Variants in FCER2 observed in about 807,000 individuals in gnomAD.
FCER2 encodes Fc epsilon receptor II.
A neutral mutation model predicts 49.7 loss-of-function variants in FCER2; 38 were observed. The ratio of observed to expected loss-of-function variants is 0.76; its 90% CI spans 0.59 to 1.00. The LOEUF (loss-of-function observed/expected upper bound fraction) is 1.00, where lower values mean the gene tolerates loss of function less well. FCER2 is among the 50% of genes least tolerant of loss of function. The probability of loss-of-function intolerance (pLI) is 0.00; values close to 1 mark genes in which losing one functional copy is unlikely to be tolerated. For missense variants in FCER2, 425 were observed against 419.5 expected (o/e 1.01, Z -0.11); for synonymous variants, 163 against 164.6 (o/e 0.99, Z 0.07).
Position 7,696,820 on chromosome 19 carries a change from C to T in FCER2, c.469+5G>A. 6.4e-7 allele frequency: 1 copy of T among 1,566,510 alleles called. No individual in the cohort carries two copies. Among genetic ancestry groups the T allele is most frequent in the Non-Finnish European group, 8.7e-7 (1 of 1,153,920 alleles). On this transcript the variant is annotated splice_donor_5th_base_variant and intron_variant, in intron 8 of 10. Transcript: ENST00000597921. The stretch of plus-strand genomic sequence containing the variant: ...GTCGTCCTGAGCAGAGACTCACACA[C>T]TCACCGCTGGACACCTGCAACTCCA...
chr19:7,689,678 T>TG (rs776545395), intron 10 of FCER2, among the ~76,000 whole-genome samples: 1 of 152,064 alleles, frequency 6.6e-6, no homozygotes, highest in South Asian at 2.1e-4. Context: ...TGGAGTGCAG[T>TG]GCGCGATCTC....
intron 1 of FCER2, among the ~76,000 whole-genome samples, chr19:7,701,230 C>T (rs891182120): frequency 6.6e-6 from 1 of 152,134 alleles, no homozygotes; most frequent in South Asian, 2.1e-4. Flanking sequence ...TCCCTTCTCT[C>T]GGAGCCTCAG....
At chr19:7,696,349 C>T (rs911304503) in intron 8 of FCER2, among the ~76,000 whole-genome samples, 5 of 152,086 alleles carry the variant, frequency 3.3e-5, no homozygotes, top group Non-Finnish European at 5.9e-5. Flanking sequence ...AATCTATCCG[C>T]CTCGACCTCC....
At position 7,697,294 on chromosome 19, in the gene FCER2, C is replaced by A. The variant is rs746343109; in HGVS notation, c.258G>T (p.Thr86=). Residue 86 remains threonine, a synonymous_variant, in exon 6 of 11, where the codon ACG becomes ACT. Transcript: ENST00000597921. ...GDQMAQKSQS[T]QISQELEELR... ...GTTCCTCCAGTTCCTGTGAAATCTG[C>A]GTGGCTGTTTGCAGGGGAGGGGGCT... 2 of 1,614,116 alleles carry A rather than the reference C, an allele frequency of 1.2e-6. No individual in the cohort carries two copies. The highest frequency in any genetic ancestry group is 1.7e-5 in the Admixed American group (1 of 60,012).
chr19:7,698,250 A>G, intron 4 of FCER2, 106 bp downstream of exon 4: 1 of 819,702 alleles, frequency 1.2e-6, no homozygotes, highest in South Asian at 2.0e-5. Flanking sequence ...ACTTAGTTTG[A>G]CCTTCAGTTC....
chr19:7,691,562 G>T (rs1467266555), intron 8 of FCER2, among the ~76,000 whole-genome samples: 1 of 148,916 alleles, frequency 6.7e-6, no homozygotes, highest in Admixed American at 6.7e-5. Flanking sequence ...CAGCACCTCA[G>T]CCACAAGCAC....
chr19:7,698,096 C>G (rs143590964), intron 4 of FCER2, among the ~76,000 whole-genome samples: 27 of 152,330 alleles, frequency 1.8e-4, no homozygotes, highest in Admixed American at 1.8e-3. Flanking sequence ...GCCAGCCACA[C>G]AGTTTTGACT....
At chr19:7,694,574 C>A (rs1011159545) in intron 8 of FCER2, among the ~76,000 whole-genome samples, 4 of 152,148 alleles carry the variant, frequency 2.6e-5, no homozygotes, top group African/African-American at 7.2e-5. Context: ...AGGAGGTGAC[C>A]TGTCAGAAGT....
At chr19:7,694,687 A>G (rs1485614774) in intron 8 of FCER2, among the ~76,000 whole-genome samples, 1 of 151,784 alleles carries the variant, frequency 6.6e-6, no homozygotes, top group Admixed American at 6.6e-5. Context: ...AGGGGATGGG[A>G]CTCCATCACA....
intron 4 of FCER2, 107 bp downstream of exon 4, chr19:7,698,249 G>T: frequency 1.2e-6 from 1 of 812,882 alleles, no homozygotes; most frequent in South Asian, 2.1e-5. Context: ...AACTTAGTTT[G>T]ACCTTCAGTT....
chr19:7,698,596 C>A, intron 3 of FCER2, 145 bp downstream of exon 3: 1 of 1,100,092 alleles, frequency 9.1e-7, no homozygotes, highest in Non-Finnish European at 1.3e-6. Context: ...AAAGGGCTGG[C>A]AGTGGCAAGA....
At position 7,690,232 on chromosome 19, in the gene FCER2, AGCCGGTGTG is replaced by A; in HGVS notation, c.646_654del (p.His216_Gly218del). On this transcript the variant is annotated inframe_deletion, in exon 10 of 11. Coordinates refer to ENST00000597921, the MANE Select transcript of FCER2 (RefSeq NM_001220500.2). ...TCCAAGTTCCGAAGGCCAATCCAGG[AGCCGGTGTG>A]GCTGGCATGCTTGGTCAGGAAGTCC... 6 of 1,614,038 alleles carry A rather than the reference AGCCGGTGTG, an allele frequency of 3.7e-6. No homozygotes were observed. Among genetic ancestry groups the A allele is most frequent in the Non-Finnish European group, 5.1e-6 (6 of 1,179,938 alleles).
chr19:7,700,092 T>C (rs2033121409), intron 1 of FCER2: 2 of 347,132 alleles, frequency 5.8e-6, no homozygotes, highest in South Asian at 5.5e-5. Context: ...CATGAGATCT[T>C]GACAAATGGC....
At chr19:7,700,715 A>G (rs547493042) in intron 1 of FCER2, among the ~76,000 whole-genome samples, 19 of 151,826 alleles carry the variant, frequency 1.3e-4, no homozygotes, top group African/African-American at 4.4e-4. Flanking sequence ...GGTTTTCACT[A>G]TGTTGGCCAG....
chr19:7,697,628 A>C, intron 4 of FCER2, 39 bp from the exon 5 acceptor site: 1 of 1,584,590 alleles, frequency 6.3e-7, no homozygotes, highest in Non-Finnish European at 8.7e-7. Context: ...CAGGAACCTC[A>C]AAGGCAGGTC....
chr19:7,693,850 T>A (rs1354834820), intron 8 of FCER2, among the ~76,000 whole-genome samples: 1 of 151,774 alleles, frequency 6.6e-6, no homozygotes, highest in African/African-American at 2.4e-5. Flanking sequence ...GGTTTCACCA[T>A]GTTGGTCAGG....
intron 8 of FCER2, among the ~76,000 whole-genome samples, chr19:7,691,857 C>A (rs2032880783): frequency 6.6e-6 from 1 of 152,178 alleles, no homozygotes; most frequent in Non-Finnish European, 1.5e-5. Flanking sequence ...ACTGCAACTG[C>A]AAACACTGTC....
chr19:7,689,754 G>T (rs984061630), intron 10 of FCER2, among the ~76,000 whole-genome samples: 1 of 152,092 alleles, frequency 6.6e-6, no homozygotes, highest in Non-Finnish European at 1.5e-5. Context: ...CAAATAGCTG[G>T]GATTACAGGC....
intron 10 of FCER2, among the ~76,000 whole-genome samples, chr19:7,689,774 C>A (rs1235672211): frequency 2.0e-5 from 3 of 152,110 alleles, no homozygotes; most frequent in Non-Finnish European, 4.4e-5. Context: ...CGCCCGCCAT[C>A]ATGACTGGCT....
Sources: allele counts gnomAD v4.1 joint callset (sites outside exome capture counted in the v4.1 genomes callset), GRCh38; gene constraint gnomAD v4.1.1; transcripts MANE v1.5; gene names NCBI Gene and HGNC (gene_info 2026-07-23, HGNC 2026-07-21).